The following HERC4 variants were observed in gnomAD, a reference collection of about 807,000 sequenced individuals.
HERC4 encodes the protein HECT and RLD domain containing E3 ubiquitin protein ligase 4.
Under a neutral mutation model 124.3 loss-of-function variants are expected in HERC4, and 28 were observed. That is an observed-to-expected ratio of 0.23 (90% confidence interval 0.17 to 0.31). The LOEUF is 0.31. Ranked by LOEUF, HERC4 falls within the 10% of genes least tolerant of loss-of-function variation. The pLI, the probability that HERC4 is intolerant of heterozygous loss-of-function variation, is 1.00. For missense variants in HERC4, 713 were observed against 1,229.3 expected (o/e 0.58, Z 6.28); for synonymous variants, 407 against 421.5 (o/e 0.97, Z 0.42).
chr10:68,015,063 A>G (rs182986341), intron 8 of HERC4, among the ~76,000 whole-genome samples: 2 of 152,334 alleles, frequency 1.3e-5, no homozygotes, highest in African/African-American at 4.8e-5. Flanking sequence ...CAAGACTGGA[A>G]ATCTCTTTCT....
In HERC4 at chr10:67,954,619, G is replaced by A. The variant is rs760045977; in HGVS notation, c.2313C>T (p.Ser771=). 7.4e-6 allele frequency: 12 copies of A among 1,612,416 alleles called. No homozygotes were observed. Among genetic ancestry groups the A allele is most frequent in the Non-Finnish European group, 8.5e-6 (10 of 1,179,136 alleles). ...CCTTATCAGAAAACCAAATGAGCCT[G>A]GAATCTTCATAATACCTAAACATGC... ...KYGMFRYYED[S]RLIWFSDKTF... Residue 771 remains serine, a synonymous_variant, in exon 19 of 25, where the codon TCC becomes TCT. Coordinates refer to ENST00000373700, the MANE Select transcript of HERC4 (RefSeq NM_015601.4).
chr10:67,964,760 T>C (rs1477171598), intron 16 of HERC4: 1 of 152,496 alleles, frequency 6.6e-6, no homozygotes, highest in Non-Finnish European at 1.5e-5. Flanking sequence ...GCTGGCTGTT[T>C]TCCTTTCTTT....
At chr10:68,031,416 A>G (rs1288913530) in intron 7 of HERC4, among the ~76,000 whole-genome samples, 1 of 152,216 alleles carries the variant, frequency 6.6e-6, no homozygotes, top group Admixed American at 6.5e-5. Flanking sequence ...ACAGGAATAA[A>G]TAAGACTTCA....
intron 4 of HERC4, chr10:68,039,331 A>AAG: frequency 6.9e-7 from 1 of 1,455,062 alleles, no homozygotes; most frequent in Non-Finnish European, 9.1e-7. Context: ...AAAAAAAAAA[A>AAG]AAAGAAAGAA....
At chr10:67,933,056 C>T (rs763498294) in intron 22 of HERC4, among the ~76,000 whole-genome samples, 13 of 152,194 alleles carry the variant, frequency 8.5e-5, no homozygotes, top group South Asian at 2.1e-4. Flanking sequence ...CAGAATGATG[C>T]AAATGGCTAT....
intron 3 of HERC4, among the ~76,000 whole-genome samples, chr10:68,066,820 C>A (rs2041326753): frequency 6.6e-6 from 1 of 152,130 alleles, no homozygotes; most frequent in Non-Finnish European, 1.5e-5. Flanking sequence ...ATTCTTCATA[C>A]CACACAGAGT....
At chr10:67,966,439 C>CTTGTT (rs1172198918) in intron 16 of HERC4, 7 of 322,440 alleles carry the variant, frequency 2.2e-5, no homozygotes, top group Non-Finnish European at 3.9e-5. Context: ...TTTTTTTTGT[C>CTTGTT]TTGTTTTGTT....
chr10:68,039,431 A>G, intron 4 of HERC4: 1 of 1,550,916 alleles, frequency 6.4e-7, no homozygotes, highest in Non-Finnish European at 8.7e-7. Flanking sequence ...TTCTGCCATA[A>G]GAGAGTCCGG....
intron 1 of HERC4, among the ~76,000 whole-genome samples, chr10:68,074,417 A>G (rs2041713026): frequency 6.6e-6 from 1 of 152,136 alleles, no homozygotes; most frequent in African/African-American, 2.4e-5. Context: ...AGAACTCGAT[A>G]ATTCCCAAGA....
chr10:67,945,455 T>C (rs1029874782), intron 19 of HERC4, among the ~76,000 whole-genome samples: 1 of 152,152 alleles, frequency 6.6e-6, no homozygotes, highest in Non-Finnish European at 1.5e-5. Context: ...AAAAACTAAA[T>C]TGAGTTCTTC....
At chr10:67,949,619 A>G (rs1263318146) in intron 19 of HERC4, among the ~76,000 whole-genome samples, 1 of 152,244 alleles carries the variant, frequency 6.6e-6, no homozygotes, top group Non-Finnish European at 1.5e-5. Flanking sequence ...CACTATTACC[A>G]AGTGGGATTT....
intron 3 of HERC4, among the ~76,000 whole-genome samples, chr10:68,060,076 C>T (rs895997324): frequency 2.7e-5 from 4 of 149,694 alleles, no homozygotes; most frequent in African/African-American, 9.9e-5. Flanking sequence ...TGGAGTCTGA[C>T]TGTTCTCACC....
intron 19 of HERC4, among the ~76,000 whole-genome samples, chr10:67,942,850 G>A (rs1164943578): frequency 1.3e-5 from 2 of 152,110 alleles, no homozygotes; most frequent in African/African-American, 4.8e-5. Flanking sequence ...CCAGGAAAAT[G>A]CTCTACTCTT....
At chr10:67,963,368 C>T (rs982721041) in intron 16 of HERC4, among the ~76,000 whole-genome samples, 4 of 152,166 alleles carry the variant, frequency 2.6e-5, no homozygotes, top group African/African-American at 9.7e-5. Flanking sequence ...AGGTGCCCGC[C>T]ACGATGCTTG....
At chr10:67,927,833 G>A (rs1200236414) in intron 23 of HERC4, among the ~76,000 whole-genome samples, 1 of 152,116 alleles carries the variant, frequency 6.6e-6, no homozygotes, top group African/African-American at 2.4e-5. Flanking sequence ...CTAGGTGCTG[G>A]GAATACAGCA....
intron 24 of HERC4, 67 bp downstream of exon 24, chr10:67,925,018 G>A (rs867495794): frequency 3.4e-5 from 29 of 848,464 alleles, no homozygotes; most frequent in Middle Eastern, 5.6e-4. Flanking sequence ...ATTAAAACAG[G>A]GCTTTGGAAT....
chr10:67,935,147 A>G (rs1228198703), intron 22 of HERC4, among the ~76,000 whole-genome samples: 1 of 133,018 alleles, frequency 7.5e-6, no homozygotes, highest in Non-Finnish European at 1.6e-5. Context: ...ATCGATTTAC[A>G]TTTTTTTTTT....
chr10:68,059,873 A>C lies in HERC4; in HGVS notation c.226+13010T>G, dbSNP rs1438638964. 9.5e-5 allele frequency among the ~76,000 whole-genome samples: 7 copies of C among 73,536 alleles called. 1 individual carries two copies. Among genetic ancestry groups the C allele is most frequent in the African/African-American group, 8.1e-4 (6 of 7,370 alleles). 48.2% of individuals were successfully genotyped at this position (73,536 alleles called of 152,430 possible). On this transcript the variant is annotated intron_variant, in intron 3 of 24. Transcript: ENST00000373700. ...TATATATCATAATATTATATATTAT[A>C]ATAATATTATATATCATAATATTAT... is the stretch of plus-strand genomic sequence containing the variant.
At chr10:68,004,014 T>C (rs1046522327) in intron 9 of HERC4, among the ~76,000 whole-genome samples, 2 of 149,680 alleles carry the variant, frequency 1.3e-5, no homozygotes, top group East Asian at 4.7e-4. Flanking sequence ...GCCAGCATGT[T>C]ATTGCCCTCT....
Sources: gnomAD v4.1 joint callset for allele counts (sites outside exome capture counted in the v4.1 genomes callset) on GRCh38, gnomAD v4.1.1 for gene constraint, MANE v1.5 for transcripts, NCBI Gene and HGNC (gene_info 2026-07-23, HGNC 2026-07-21) for gene names.